The following SETDB1 variants were observed in gnomAD, a reference collection of about 807,000 sequenced individuals.
SETDB1 encodes the protein histone-lysine N-methyltransferase SETDB1.
Under a neutral mutation model 137.4 loss-of-function variants are expected in SETDB1, and 31 were observed. The observed-to-expected ratio is 0.23, with a 90% CI of 0.17 to 0.30. The LOEUF (loss-of-function observed/expected upper bound fraction) is 0.30, where lower values mean the gene tolerates loss of function less well. Ranked by LOEUF, SETDB1 falls within the 10% of genes least tolerant of loss-of-function variation. The pLI, the probability that SETDB1 is intolerant of heterozygous loss-of-function variation, is 1.00. For synonymous variants in SETDB1, 548 were observed against 579.9 expected (o/e 0.95, Z 0.79); for missense variants, 1,113 against 1,631.5 (o/e 0.68, Z 5.47).
intron 14 of SETDB1, among the ~76,000 whole-genome samples, chr1:150,956,385 C>CAAA (rs5777743): frequency 1.7e-5 from 2 of 116,856 alleles, no homozygotes; most frequent in Admixed American, 8.4e-5. Flanking sequence ...GACTCCGCCT[C>CAAA]AAAAAAAAAA....
rs367580919 is a variant in SETDB1, at chr1:150,942,567, C to T, written c.552C>T (p.Thr184=). Residue 184 remains threonine (T), a synonymous_variant, in exon 6 of 22, where the codon ACC becomes ACT. Transcript: ENST00000692827. ...ATAACTTTGCTTCTTCTATAGGAAC[C>T]TTGAGTCAGATGTCTGGAGAACTAA... ...KSSSQDLHKG[T]LSQMSGELSK... 3.7e-5 allele frequency: 60 copies of T among 1,610,136 alleles called. No individual in the cohort carries two copies. In the East Asian group the frequency reaches 6.7e-4, roughly 18 times the overall value.
At chr1:150,948,270 A>ATT (rs376302541) in intron 10 of SETDB1, among the ~76,000 whole-genome samples, 3,264 of 135,846 alleles carry the variant, frequency 0.024, 72 homozygotes, top group Non-Finnish European at 0.035. Flanking sequence ...CAGAGTAGCA[A>ATT]TTTTTTTTTT....
intron 10 of SETDB1, among the ~76,000 whole-genome samples, chr1:150,947,251 G>T (rs1297864850): frequency 6.6e-6 from 1 of 152,142 alleles, no homozygotes; most frequent in Non-Finnish European, 1.5e-5. Context: ...TTAGGTTAGG[G>T]TGATAGTAGT....
intron 14 of SETDB1, among the ~76,000 whole-genome samples, chr1:150,953,235 A>T (rs1670547161): frequency 6.6e-6 from 1 of 152,054 alleles, no homozygotes; most frequent in South Asian, 2.1e-4. Context: ...CTAAAAAAAA[A>T]TTGTTGGGGC....
intron 3 of SETDB1, 47 bp downstream of exon 3, chr1:150,930,165 A>C: frequency 1.3e-6 from 2 of 1,492,458 alleles, no homozygotes; most frequent in Non-Finnish European, 1.8e-6. Context: ...TGAAGTTGAA[A>C]CACTGGAAGA....
At position 150,963,675 on chromosome 1, in the gene SETDB1, T is replaced by C; in HGVS notation, c.3606T>C (p.Tyr1202=). Residue 1202 remains tyrosine (Y), a synonymous_variant, in exon 20 of 22, where the codon TAT becomes TAC. Transcript: ENST00000692827. Reference sequence around the variant, plus strand: ...TTCGTAAGAACACACGCCAATTCTATGATGGCGAGGAGTCTTGCTACATCA... The same window carrying C: ...TTCGTAAGAACACACGCCAATTCTACGATGGCGAGGAGTCTTGCTACATCA... ...APVRKNTRQF[Y]DGEESCYIID... The C allele has an allele frequency of 5.0e-6, 8 of 1,614,210 alleles. No homozygotes were observed. Among genetic ancestry groups the C allele is most frequent in the Non-Finnish European group, 5.1e-6 (6 of 1,180,036 alleles).
intron 5 of SETDB1, among the ~76,000 whole-genome samples, 184 bp from the exon 6 acceptor site, chr1:150,942,379 C>T (rs999795849): frequency 3.4e-5 from 5 of 145,670 alleles, no homozygotes; most frequent in Non-Finnish European, 6.0e-5. Context: ...CCCAGGGAGG[C>T]GGAGGTTCCA....
intron 5 of SETDB1, 117 bp from the exon 6 acceptor site, chr1:150,942,446 C>CA (rs11430191): frequency 0.33 from 219,276 of 666,242 alleles, 13,403 homozygotes; most frequent in African/African-American, 0.5. Context: ...GACTCCATCT[C>CA]AAAAAAAAAA....
chr1:150,961,973 G>A (rs185157359), intron 16 of SETDB1, 157 bp from the exon 17 acceptor site: 18 of 809,730 alleles, frequency 2.2e-5, no homozygotes, highest in Non-Finnish European at 6.5e-6. Flanking sequence ...AGTGTAGTGA[G>A]GATTTCTGTC....
intron 10 of SETDB1, among the ~76,000 whole-genome samples, 188 bp downstream of exon 10, chr1:150,947,200 T>C (rs1481830365): frequency 6.6e-6 from 1 of 152,248 alleles, no homozygotes; most frequent in East Asian, 1.9e-4. Flanking sequence ...GTGGCTCTAA[T>C]TTGTTCTAAA....
At chr1:150,933,767 CT>C (rs1225714666) in intron 3 of SETDB1, among the ~76,000 whole-genome samples, 41 of 116,834 alleles carry the variant, frequency 3.5e-4, no homozygotes, top group Non-Finnish European at 6.1e-4. Flanking sequence ...TTTTCTTTTT[CT>C]TTTTCTTTTT....
chr1:150,950,319 A>T, intron 12 of SETDB1, 139 bp from the exon 13 acceptor site: 1 of 727,540 alleles, frequency 1.4e-6, no homozygotes, highest in Non-Finnish European at 2.3e-6. Context: ...GGGCAAGGGA[A>T]GATCTTTCTT....
chr1:150,927,677 A>T (rs370652734), intron 1 of SETDB1, 27 bp from the exon 2 acceptor site: 2 of 1,601,306 alleles, frequency 1.2e-6, no homozygotes, highest in African/African-American at 2.7e-5. Context: ...AAGGACTCCA[A>T]TTTAATTTGT....
chr1:150,950,255 G>C (rs912500569), intron 12 of SETDB1, among the ~76,000 whole-genome samples: 2 of 151,926 alleles, frequency 1.3e-5, no homozygotes, highest in Non-Finnish European at 2.9e-5. Flanking sequence ...GAGAAATAGA[G>C]ATGTTATCAG....
In SETDB1 at chr1:150,926,478, T is replaced by C. The variant is rs1399541442; in HGVS notation, c.-51T>C. The C allele has an allele frequency of 9.3e-6, 3 of 324,322 alleles. No individual in the cohort carries two copies. The highest frequency in any genetic ancestry group is 1.8e-5 in the Non-Finnish European group (3 of 169,064). 20.1% of individuals were successfully genotyped at this position (324,322 alleles called of 1,614,324 possible). A position where few individuals can be genotyped will look rare whatever the true frequency, so the allele number is the denominator to read the frequency against. On this transcript the variant is annotated 5_prime_UTR_variant, in exon 1 of 22. Transcript: ENST00000692827. ...ACCCCTGAGTTGTGAGTCTGGGGTC[T>C]GGTTGGTGAAAAAGAGCCCTTGAAG...
intron 10 of SETDB1, among the ~76,000 whole-genome samples, chr1:150,947,414 T>G (rs1670362324): frequency 6.6e-6 from 1 of 151,962 alleles, no homozygotes; most frequent in Non-Finnish European, 1.5e-5. Flanking sequence ...CTGCCTCGGC[T>G]GCCCAAAGTG....
intron 15 of SETDB1, among the ~76,000 whole-genome samples, chr1:150,960,148 G>C (rs587708418): frequency 6.6e-6 from 1 of 151,630 alleles, no homozygotes; most frequent in Non-Finnish European, 1.5e-5. Context: ...CTGGTAGAGC[G>C]GGTATTGATG....
At chr1:150,930,327 T>C (rs1669685073) in intron 3 of SETDB1, 1 of 473,984 alleles carries the variant, frequency 2.1e-6, no homozygotes, top group African/African-American at 1.9e-5. Context: ...ATTACTTTGC[T>C]TTCCTCATTC....
At chr1:150,957,243 C>T (rs936843719) in intron 14 of SETDB1, among the ~76,000 whole-genome samples, 1 of 152,252 alleles carries the variant, frequency 6.6e-6, no homozygotes. Context: ...TGGCATGCAC[C>T]TATAATCCCA....
Sources: allele counts gnomAD v4.1 joint callset (sites outside exome capture counted in the v4.1 genomes callset), GRCh38; gene constraint gnomAD v4.1.1; transcripts MANE v1.5; gene names NCBI Gene and HGNC (gene_info 2026-07-23, HGNC 2026-07-21).